Variants in ATP8B3 observed in about 807,000 individuals in gnomAD.
The protein encoded by ATP8B3 is phospholipid-transporting ATPase IK.
A neutral mutation model predicts 140.9 loss-of-function variants in ATP8B3; 141 were observed. The ratio of observed to expected loss-of-function variants is 1.00; its 90% CI spans 0.87 to 1.15. The LOEUF is 1.15. Ranked by LOEUF, ATP8B3 falls within the 50% of genes most tolerant of loss-of-function variation. The pLI is 0.00. For missense variants in ATP8B3, 1,874 were observed against 1,740.6 expected, an observed-to-expected ratio of 1.08 and a Z score of -1.36; for synonymous variants, 765 against 714.6, an observed-to-expected ratio of 1.07 and a Z score of -1.13.
rs1350608939 is a variant in ATP8B3, at chr19:1,787,166, G to A, written c.3090C>T (p.Phe1030=). ...TGTACAGGAGGTTGAAAAGAGCCAG[G>A]AACCATCCTTCATACAGGGGCTGAG... ...FTGQPLYEGW[F]LALFNLLYST... The change falls in exon 25 of 29, where the codon TTC becomes TTT. Residue 1030 remains phenylalanine (F), a synonymous_variant. Coordinates refer to ENST00000310127, the MANE Select transcript of ATP8B3 (RefSeq NM_138813.4). 2.5e-6 allele frequency: 4 copies of A among 1,610,834 alleles called. No homozygotes were observed. The highest frequency in any genetic ancestry group is 3.4e-6 in the Non-Finnish European group (4 of 1,178,462).
chr19:1,805,799 T>C lies in ATP8B3; in HGVS notation c.821+89A>G. The C allele has an allele frequency of 6.6e-7, 1 of 1,524,842 alleles. No homozygotes were observed. The highest frequency in any genetic ancestry group is 9.0e-7 in the Non-Finnish European group (1 of 1,110,276). 94.5% of individuals were successfully genotyped at this position (1,524,842 alleles called of 1,614,324 possible). ...ACCAAAGTCTCTGAGCGACCTTGGC[T>C]GGCCGCCTCCTTGGTGACTGGGGAA... On this transcript the variant is annotated intron_variant, in intron 9 of 28. Transcript: ENST00000310127. The surrounding 1 kb of genome is among the most constrained non-coding windows in gnomAD (Gnocchi z 5.2).
At chr19:1,789,853 C>A (rs1486635433) in intron 22 of ATP8B3, 37 bp downstream of exon 22, 9 of 1,606,144 alleles carry the variant, frequency 5.6e-6, no homozygotes, top group Admixed American at 5.0e-5. Context: ...CCCTCCCTGG[C>A]GCCGGGACCC....
At chr19:1,784,706 C>G (rs2068246932) in intron 28 of ATP8B3, 113 bp downstream of exon 28, 12 of 1,377,362 alleles carry the variant, frequency 8.7e-6, no homozygotes, top group Non-Finnish European at 1.1e-5. Flanking sequence ...AGCCTAGTGT[C>G]TTGGAGGGCC....
In ATP8B3 at chr19:1,796,194, C is replaced by T. The variant is rs764426753; in HGVS notation, c.1825G>A (p.Val609Met). The change falls in exon 17 of 29, where the codon GTG becomes ATG. Residue 609 changes from valine to methionine, a missense_variant. Physicochemically the swap from Val to Met is conservative, Grantham distance 21. This residue lies in a region of ATP8B3 where 1,032 missense variants were observed against 963.6 expected (regional missense o/e 1.07). Transcript: ENST00000310127. ...GTGTCCTGGGTGCGGGACAGGAACACGTAGCCGAAGTTCCGGGCTGCGGTG... is the reference window on the plus strand; with the variant it reads ...GTGTCCTGGGTGCGGGACAGGAACATGTAGCCGAAGTTCCGGGCTGCGGTG... ...LVTAARNFGY[V>M]FLSRTQDTVT... The T allele has an allele frequency of 6.2e-6, 10 of 1,612,716 alleles. No individual in the cohort carries two copies. Among genetic ancestry groups the T allele is most frequent in the Admixed American group, 5.0e-5 (3 of 59,994 alleles).
At chr19:1,797,027 T>C in intron 14 of ATP8B3, 22 bp from the exon 15 acceptor site, 1 of 1,612,992 alleles carries the variant, frequency 6.2e-7, no homozygotes. Flanking sequence ...CACAGCTTCC[T>C]GCTTCAGCTC....
At position 1,811,969 on chromosome 19, in the gene ATP8B3, C is replaced by T. The variant is rs1184757518; in HGVS notation, c.-148-85G>A. ...TGCCCCATTACTCGGAAGCCCCCCA[C>T]CCCGTCTTCCCGCAGCCGCAGGGGC... On this transcript the variant is annotated intron_variant, in intron 1 of 28. Transcript: ENST00000310127. 6 of 558,062 alleles carry T rather than the reference C, an allele frequency of 1.1e-5. No homozygotes were observed. In the East Asian group the frequency reaches 1.2e-4, roughly 11 times the overall value. The allele number at this position is 558,062 out of a possible 1,614,324, so 34.6% of individuals were successfully genotyped here.
intron 16 of ATP8B3, among the ~76,000 whole-genome samples, 184 bp downstream of exon 16, chr19:1,796,527 T>G (rs756272665): frequency 6.6e-5 from 10 of 152,332 alleles, no homozygotes; most frequent in Non-Finnish European, 1.3e-4. Flanking sequence ...CCACGATGCT[T>G]GTCAGCACTG....
At chr19:1,792,236 A>G (rs923996853) in intron 18 of ATP8B3, 101 bp from the exon 19 acceptor site, 3 of 1,353,094 alleles carry the variant, frequency 2.2e-6, no homozygotes, top group East Asian at 2.5e-5. Context: ...GGGTCCCCCA[A>G]CCAAAAGCCT....
intron 18 of ATP8B3, among the ~76,000 whole-genome samples, chr19:1,793,620 C>T (rs2068582172): frequency 1.3e-5 from 2 of 152,224 alleles, no homozygotes; most frequent in Admixed American, 1.3e-4. Context: ...AGAGCAGGCA[C>T]CCCAAGGGTG....
intron 28 of ATP8B3, 109 bp from the exon 29 acceptor site, chr19:1,783,379 T>C: frequency 7.3e-6 from 10 of 1,372,800 alleles, no homozygotes; most frequent in Non-Finnish European, 9.8e-6. Context: ...CCACTATTGA[T>C]TGGCTACGTT....
At chr19:1,811,177 C>G (rs1354190873) in intron 2 of ATP8B3, among the ~76,000 whole-genome samples, 1 of 152,208 alleles carries the variant, frequency 6.6e-6, no homozygotes, top group African/African-American at 2.4e-5. Flanking sequence ...TGTTATATCT[C>G]AAAACACAGC....
rs1272934711 is a variant in ATP8B3 at position 1,805,750 on chromosome 19, C to T, written c.821+138G>A. 8 of 1,037,482 alleles carry T rather than the reference C, an allele frequency of 7.7e-6. No homozygotes were observed. The highest frequency in any genetic ancestry group is 1.4e-5 in the South Asian group (1 of 69,074). The allele number at this position is 1,037,482 out of a possible 1,614,324, so 64.3% of individuals were successfully genotyped here. A position where few individuals can be genotyped will look rare whatever the true frequency, so the allele number is the denominator to read the frequency against. ...CCCTCAGTGCCTGGCAGCACCCACG[C>T]CCCAGACACTCATGGGGTGAGTGAC... On this transcript the variant is annotated intron_variant, in intron 9 of 28. Transcript: ENST00000310127. This position sits in a 1 kb window ranked among gnomAD's most constrained non-coding sequence, Gnocchi z 5.2.
At chr19:1,785,838 A>G (rs1044645979) in intron 25 of ATP8B3, 130 bp from the exon 26 acceptor site, 2 of 1,071,642 alleles carry the variant, frequency 1.9e-6, no homozygotes, top group African/African-American at 3.2e-5. Context: ...AAGTGAGTTA[A>G]AATAAAGTAA....
At chr19:1,804,350 C>T (rs1400654392) in intron 10 of ATP8B3, among the ~76,000 whole-genome samples, 1 of 152,276 alleles carries the variant, frequency 6.6e-6, no homozygotes, top group African/African-American at 2.4e-5. Flanking sequence ...TGGCTCATGC[C>T]TGTAATCCCA....
intron 14 of ATP8B3, among the ~76,000 whole-genome samples, chr19:1,798,607 G>A (rs1024075543): frequency 1.3e-5 from 2 of 151,402 alleles, no homozygotes; most frequent in African/African-American, 2.4e-5. Flanking sequence ...GCGTGGTGGC[G>A]GGCGCCTGTA....
chr19:1,796,192 C>A lies in ATP8B3; in HGVS notation c.1827G>T (p.Val609=). ...CGGTGTCCTGGGTGCGGGACAGGAA[C>A]ACGTAGCCGAAGTTCCGGGCTGCGG... ...LVTAARNFGY[V]FLSRTQDTVT... The change falls in exon 17 of 29, where the codon GTG becomes GTT. Residue 609 remains valine, a synonymous_variant. Transcript: ENST00000310127. 6.2e-7 allele frequency: 1 copy of A among 1,612,884 alleles called. No homozygotes were observed.
At chr19:1,783,298 A>G (rs1198035526) in intron 28 of ATP8B3, 28 bp from the exon 29 acceptor site, 6 of 1,597,470 alleles carry the variant, frequency 3.8e-6, no homozygotes, top group Non-Finnish European at 5.1e-6. Flanking sequence ...GAGCAGGGGA[A>G]GCAGACTCCT....
chr19:1,806,284 C>G lies in ATP8B3; in HGVS notation c.678-115G>C. ...CGCAGCTGCAGTCCCCACCTCCGGG[C>G]CTTTGCCCCCTCAGGAAGCCTTCCC... On this transcript the variant is annotated intron_variant, in intron 7 of 28. Coordinates refer to ENST00000310127, the MANE Select transcript of ATP8B3 (RefSeq NM_138813.4). The surrounding 1 kb of genome is among the most constrained non-coding windows in gnomAD (Gnocchi z 5.6). 1 of 1,501,926 alleles carries G rather than the reference C, an allele frequency of 6.7e-7. No individual in the cohort carries two copies. Among genetic ancestry groups the G allele is most frequent in the African/African-American group, 1.4e-5 (1 of 72,320 alleles). 93.0% of individuals were successfully genotyped at this position (1,501,926 alleles called of 1,614,324 possible).
Position 1,805,677 on chromosome 19 carries a change from G to C in ATP8B3, c.821+211C>G, listed in dbSNP as rs1457521511. 2.7e-5 allele frequency among the ~76,000 whole-genome samples: 4 copies of C among 150,096 alleles called. No individual in the cohort carries two copies. Among genetic ancestry groups the C allele is most frequent in the African/African-American group, 7.3e-5 (3 of 41,318 alleles). On this transcript the variant is annotated intron_variant, in intron 9 of 28. Coordinates refer to ENST00000310127, the MANE Select transcript of ATP8B3 (RefSeq NM_138813.4). The surrounding 1 kb of genome is among the most constrained non-coding windows in gnomAD (Gnocchi z 5.2). ...CAGGGCCTAGGGCCTAGGGCCTCCT[G>C]CCCGTATGCACACAATGGAAACAAT...
Sources: allele counts gnomAD v4.1 joint callset (sites outside exome capture counted in the v4.1 genomes callset), GRCh38; gene constraint gnomAD v4.1.1; regional missense constraint gnomAD v4.1.1; non-coding constraint Gnocchi (gnomAD v3.1); transcripts MANE v1.5; gene names NCBI Gene and HGNC (gene_info 2026-07-23, HGNC 2026-07-21).